The following ANKRD30A variants were observed in gnomAD, a reference collection of about 807,000 sequenced individuals.
ANKRD30A encodes ankyrin repeat domain 30A, also known as ankyrin repeat domain-containing protein 30A.
Under a neutral mutation model 166.3 loss-of-function variants are expected in ANKRD30A, and 170 were observed. The ratio of observed to expected loss-of-function variants is 1.02; its 90% CI spans 0.90 to 1.16. The LOEUF is 1.16. Ranked by LOEUF, ANKRD30A falls within the 50% of genes most tolerant of loss-of-function variation. The pLI is 0.00. For missense variants in ANKRD30A, 1,630 were observed against 1,518.0 expected, an observed-to-expected ratio of 1.07 and a Z score of -1.23; for synonymous variants, 564 against 508.9, an observed-to-expected ratio of 1.11 and a Z score of -1.46.
At chr10:37,191,747 G>T (rs1185255975) in intron 25 of ANKRD30A, among the ~76,000 whole-genome samples, 2 of 151,940 alleles carry the variant, frequency 1.3e-5, no homozygotes, top group Non-Finnish European at 2.9e-5. Context: ...TGTAATCCCA[G>T]CACTTTGGGA....
chr10:37,159,518 G>A (rs1049057195), intron 15 of ANKRD30A, among the ~76,000 whole-genome samples: 1 of 151,848 alleles, frequency 6.6e-6, no homozygotes. Context: ...ATCTGAAAAA[G>A]CAAAGAAATA....
At chr10:37,247,881 C>CAA in the ANKRD30A span, among the ~76,000 whole-genome samples, 14 of 53,170 alleles carry the variant, frequency 2.6e-4, no homozygotes, top group African/African-American at 7.7e-4. Context: ...GACTCCATCT[C>CAA]AAAAAAAAAA....
the ANKRD30A span, among the ~76,000 whole-genome samples, chr10:37,262,841 A>T: frequency 6.6e-6 from 1 of 152,144 alleles, no homozygotes; most frequent in South Asian, 2.1e-4. Flanking sequence ...AAGACTAAAA[A>T]AATTTAATTT....
the ANKRD30A span, among the ~76,000 whole-genome samples, chr10:37,238,199 G>T: frequency 6.6e-6 from 1 of 152,100 alleles, no homozygotes; most frequent in East Asian, 1.9e-4. Flanking sequence ...CTTTCTCAAA[G>T]GAAGTTACCC....
chr10:37,167,914 A>G (rs1326011949), intron 19 of ANKRD30A, among the ~76,000 whole-genome samples: 4 of 122,618 alleles, frequency 3.3e-5, no homozygotes, highest in Admixed American at 8.9e-5. Flanking sequence ...TTTGTAATGC[A>G]ATGATATAAA....
At chr10:37,194,873 G>A (rs1840944476) in intron 27 of ANKRD30A, among the ~76,000 whole-genome samples, 2 of 152,014 alleles carry the variant, frequency 1.3e-5, no homozygotes, top group Non-Finnish European at 2.9e-5. Context: ...TTACTGAAGT[G>A]GGAGTATTTA....
chr10:37,149,067 A>G (rs961195188), intron 9 of ANKRD30A, among the ~76,000 whole-genome samples: 2 of 152,040 alleles, frequency 1.3e-5, no homozygotes, highest in African/African-American at 2.4e-5. Context: ...ATCATCTTGC[A>G]TGAGTGGATC....
At chr10:37,155,643 A>T (rs1453941105) in intron 13 of ANKRD30A, among the ~76,000 whole-genome samples, 1 of 152,170 alleles carries the variant, frequency 6.6e-6, no homozygotes, top group Non-Finnish European at 1.5e-5. Flanking sequence ...GTGATTCCAG[A>T]TCAGTTTTCT....
intron 25 of ANKRD30A, among the ~76,000 whole-genome samples, chr10:37,191,833 G>C (rs906051992): frequency 6.6e-6 from 1 of 151,826 alleles, no homozygotes; most frequent in Non-Finnish European, 1.5e-5. Context: ...ACCTCTACTA[G>C]TAATACAAAA....
the ANKRD30A span, among the ~76,000 whole-genome samples, chr10:37,254,683 C>CTTTTTTTTTTTTTTTTTTTTTTTTT: frequency 7.9e-6 from 1 of 126,540 alleles, no homozygotes; most frequent in African/African-American, 2.9e-5. Context: ...CTTTTCTTTT[C>CTTTTTTTTTTTTTTTTTTTTTTTTT]TTTTTTTTTT....
chr10:37,159,074 C>G (rs1838621531), intron 15 of ANKRD30A, among the ~76,000 whole-genome samples: 1 of 152,064 alleles, frequency 6.6e-6, no homozygotes, highest in Admixed American at 6.5e-5. Flanking sequence ...GCAATCATTA[C>G]TTGATGACTC....
chr10:37,237,379 T>G (rs1259411838), downstream of ANKRD30A, among the ~76,000 whole-genome samples: 2 of 152,176 alleles, frequency 1.3e-5, no homozygotes, highest in Non-Finnish European at 2.9e-5. Context: ...GCAACCATAT[T>G]ATATAAAACA....
chr10:37,131,239 A>T (rs183532467), intron 3 of ANKRD30A, among the ~76,000 whole-genome samples: 62 of 152,252 alleles, frequency 4.1e-4, no homozygotes, highest in African/African-American at 1.4e-3. Flanking sequence ...CATATAGATG[A>T]GTTAGAACTT....
chr10:37,242,647 G>A, the ANKRD30A span, among the ~76,000 whole-genome samples: 6 of 152,102 alleles, frequency 3.9e-5, no homozygotes, highest in South Asian at 2.1e-4. Context: ...CACTTATGGC[G>A]TCAATAGTGG....
rs12769271 is a variant in ANKRD30A, at chr10:37,159,382, A to G, written c.1900+796A>G. Among the ~76,000 whole-genome samples the G allele has an allele frequency of 2.0e-4, 31 of 152,182 alleles. 1 individual carries two copies. The South Asian group carries it at 3.5e-3, about 17-fold the overall frequency. On this transcript the variant is annotated intron_variant, in intron 15 of 35. Transcript: ENST00000361713. ...ATATAACAAAAAATAGCCGGTTGTGATGGTGGGTGCCTGTCATCTCAGCTA... is the reference window on the plus strand; with the variant it reads ...ATATAACAAAAAATAGCCGGTTGTGGTGGTGGGTGCCTGTCATCTCAGCTA...
At chr10:37,240,292 C>T in the ANKRD30A span, among the ~76,000 whole-genome samples, 2 of 152,090 alleles carry the variant, frequency 1.3e-5, no homozygotes, top group Non-Finnish European at 2.9e-5. Flanking sequence ...AACTTTTAGC[C>T]TACACACTGC....
At chr10:37,248,003 G>C in the ANKRD30A span, 1 of 337,552 alleles carries the variant, frequency 3.0e-6, no homozygotes, top group East Asian at 6.7e-5. Flanking sequence ...GCCTGCTCAT[G>C]TACCCCTCAA....
intron 30 of ANKRD30A, among the ~76,000 whole-genome samples, chr10:37,200,944 A>T (rs1841573022): frequency 6.6e-6 from 1 of 152,064 alleles, no homozygotes; most frequent in South Asian, 2.1e-4. Flanking sequence ...GATATTTTTA[A>T]GAGAGATACG....
chr10:37,141,612 T>C (rs1457434006), intron 6 of ANKRD30A, 106 bp from the exon 7 acceptor site: 1 of 1,362,638 alleles, frequency 7.3e-7, no homozygotes, highest in East Asian at 2.5e-5. Flanking sequence ...AAAAGTTTGG[T>C]AGTATTTAAG....
Sources: gnomAD v4.1 joint callset for allele counts (sites outside exome capture counted in the v4.1 genomes callset) on GRCh38, gnomAD v4.1.1 for gene constraint, MANE v1.5 for transcripts, NCBI Gene and HGNC (gene_info 2026-07-23, HGNC 2026-07-21) for gene names.